Variants in LEPR observed in about 807,000 individuals in gnomAD.
The protein encoded by LEPR is OB receptor.
A neutral mutation model predicts 114.7 loss-of-function variants in LEPR; 56 were observed. The observed-to-expected ratio is 0.49, with a 90% CI of 0.39 to 0.61. LEPR has a LOEUF of 0.61. Ranked by LOEUF, LEPR falls within the 20% of genes least tolerant of loss-of-function variation. LEPR has a pLI of 0.00. For synonymous variants in LEPR, 443 were observed against 461.4 expected, an observed-to-expected ratio of 0.96 and a Z score of 0.51; for missense variants, 1,202 against 1,352.9, an observed-to-expected ratio of 0.89 and a Z score of 1.75.
At chr1:65,425,189 C>T (rs1646335607) in intron 1 of LEPR, 114 bp from the exon 2 acceptor site, 4 of 799,050 alleles carry the variant, frequency 5.0e-6, no homozygotes, top group East Asian at 2.6e-5. Flanking sequence ...AAAATTTACT[C>T]ATCCGCCAAA....
intron 2 of LEPR, among the ~76,000 whole-genome samples, chr1:65,511,408 T>C (rs1649026336): frequency 6.7e-6 from 1 of 148,930 alleles, no homozygotes; most frequent in African/African-American, 2.5e-5. Flanking sequence ...AGTATTGCTC[T>C]AGTGTTCATA....
intron 2 of LEPR, among the ~76,000 whole-genome samples, chr1:65,520,590 G>A (rs932134354): frequency 3.3e-5 from 5 of 152,042 alleles, no homozygotes; most frequent in South Asian, 4.2e-4. Flanking sequence ...AGACCAGCTC[G>A]GCTGGGGAGA....
chr1:65,455,158 A>G (rs1054719642), intron 2 of LEPR, among the ~76,000 whole-genome samples: 1 of 151,968 alleles, frequency 6.6e-6, no homozygotes, highest in Non-Finnish European at 1.5e-5. Context: ...ACTTCTCTGT[A>G]TTGGTTATTC....
At chr1:65,521,526 G>A (rs1238325961) in intron 2 of LEPR, among the ~76,000 whole-genome samples, 2 of 152,194 alleles carry the variant, frequency 1.3e-5, no homozygotes, top group African/African-American at 4.8e-5. Flanking sequence ...CTGTCACGGT[G>A]TCTTCTATCA....
chr1:65,468,500 G>A (rs1647043220), intron 2 of LEPR, among the ~76,000 whole-genome samples: 1 of 152,206 alleles, frequency 6.6e-6, no homozygotes, highest in Non-Finnish European at 1.5e-5. Flanking sequence ...TGATGGCAGA[G>A]CAGGAGTAAG....
intron 2 of LEPR, among the ~76,000 whole-genome samples, chr1:65,491,931 CT>C (rs1474791161): frequency 6.6e-6 from 1 of 152,094 alleles, no homozygotes; most frequent in Admixed American, 6.6e-5. Context: ...GGGACCCAAG[CT>C]ATCCATTCAC....
At chr1:65,438,196 A>G (rs11804091) in intron 2 of LEPR, among the ~76,000 whole-genome samples, 22,374 of 150,136 alleles carry the variant, frequency 0.15, 1,753 homozygotes, top group South Asian at 0.24. Context: ...TATAAATAAA[A>G]TAGCTTGATT....
chr1:65,487,797 C>T (rs1198540942), intron 2 of LEPR, among the ~76,000 whole-genome samples: 4 of 151,912 alleles, frequency 2.6e-5, no homozygotes, highest in African/African-American at 9.7e-5. Context: ...ATGTGTAACA[C>T]CTCAGGGTAA....
intron 5 of LEPR, among the ~76,000 whole-genome samples, chr1:65,587,999 G>A (rs920165950): frequency 6.6e-5 from 10 of 152,124 alleles, no homozygotes; most frequent in Admixed American, 5.9e-4. Context: ...CAGTGATCAT[G>A]CACTATCTCC....
intron 2 of LEPR, among the ~76,000 whole-genome samples, chr1:65,504,347 C>T (rs923554515): frequency 2.0e-5 from 3 of 152,054 alleles, no homozygotes; most frequent in African/African-American, 7.3e-5. Context: ...ATATGGAAAG[C>T]TTAGAAAAGA....
At chr1:65,534,761 T>C (rs563829354) in intron 2 of LEPR, among the ~76,000 whole-genome samples, 37 of 152,282 alleles carry the variant, frequency 2.4e-4, no homozygotes, top group African/African-American at 8.7e-4. Flanking sequence ...AAATGTTTTA[T>C]CTATTTTCAC....
At chr1:65,591,744 T>C (rs1475890179) in intron 5 of LEPR, among the ~76,000 whole-genome samples, 1 of 152,046 alleles carries the variant, frequency 6.6e-6, no homozygotes, top group African/African-American at 2.4e-5. Context: ...TTGTTTATAA[T>C]TGGGTCTTTT....
Position 65,434,474 on chromosome 1 carries a change from T to C in LEPR, c.-21+9096T>C. On this transcript the variant is annotated intron_variant, in intron 2 of 19. Coordinates refer to ENST00000349533, the MANE Select transcript of LEPR (RefSeq NM_002303.6). ...AAACAAGTGGGTTACAAGCAGACTTTGAGACACTTTTCCACAGAAACAATA... is the reference window on the plus strand; with the variant it reads ...AAACAAGTGGGTTACAAGCAGACTTCGAGACACTTTTCCACAGAAACAATA... The C allele has an allele frequency of 5.1e-6, 5 of 985,372 alleles. No homozygotes were observed. The South Asian group carries it at 2.3e-4, about 46-fold the overall frequency. The allele number at this position is 985,372 out of a possible 1,614,324, so 61.0% of individuals were successfully genotyped here. A position where few individuals can be genotyped will look rare whatever the true frequency, so the allele number is the denominator to read the frequency against.
intron 2 of LEPR, among the ~76,000 whole-genome samples, chr1:65,439,005 C>G (rs536362173): frequency 2.6e-5 from 4 of 152,116 alleles, no homozygotes; most frequent in African/African-American, 4.8e-5. Flanking sequence ...GATATTTTAA[C>G]CAGGTTAAAA....
intron 2 of LEPR, chr1:65,430,189 T>C (rs1291533736): frequency 4.6e-6 from 3 of 648,002 alleles, no homozygotes; most frequent in African/African-American, 1.9e-5. Flanking sequence ...TCCTCTACTT[T>C]AGACCTGCCT....
chr1:65,608,977 A>G (rs1656999479), intron 12 of LEPR, 76 bp downstream of exon 12: 3 of 1,557,716 alleles, frequency 1.9e-6, no homozygotes, highest in Admixed American at 3.4e-5. Context: ...ATTGCATTAG[A>G]TTAATTTTAT....
At chr1:65,475,650 GAC>G (rs942032408) in intron 2 of LEPR, among the ~76,000 whole-genome samples, 1 of 152,106 alleles carries the variant, frequency 6.6e-6, no homozygotes, top group African/African-American at 2.4e-5. Context: ...TTTCATAACT[GAC>G]ACAGATTCAT....
intron 2 of LEPR, among the ~76,000 whole-genome samples, chr1:65,474,956 G>A (rs1177878406): frequency 1.2e-4 from 16 of 132,134 alleles, no homozygotes; most frequent in South Asian, 2.4e-4. Context: ...GAACTGAGCC[G>A]AGATCGCACC....
Position 65,492,069 on chromosome 1 carries a change from G to GGTA in LEPR, c.-21+66691_-21+66692insGTA, listed in dbSNP as rs1553158119. Among the ~76,000 whole-genome samples the GGTA allele has an allele frequency of 5.3e-4, 80 of 152,116 alleles. 2 individuals are homozygous for GGTA. Among genetic ancestry groups the GGTA allele is most frequent in the Non-Finnish European group, 7.4e-5 (5 of 67,962 alleles). ...ATGTTAATTATAAACAATTTCTTGT[G>GGTA]CTCCTTTCTGTACTGTGGGTATTTA... On this transcript the variant is annotated intron_variant, in intron 2 of 19. Coordinates refer to ENST00000349533, the MANE Select transcript of LEPR (RefSeq NM_002303.6).
Sources: gnomAD v4.1 joint callset for allele counts (sites outside exome capture counted in the v4.1 genomes callset) on GRCh38, gnomAD v4.1.1 for gene constraint, MANE v1.5 for transcripts, NCBI Gene and HGNC (gene_info 2026-07-23, HGNC 2026-07-21) for gene names.